ANTXRL: variants seen among roughly 807,000 people sequenced by gnomAD.
ANTXRL encodes the protein anthrax toxin receptor-like.
A neutral mutation model predicts 75.4 loss-of-function variants in ANTXRL; 63 were observed. The observed-to-expected ratio is 0.84, with a 90% CI of 0.68 to 1.03. The LOEUF (loss-of-function observed/expected upper bound fraction) is 1.03, where lower values mean the gene tolerates loss of function less well. ANTXRL is among the 50% of genes least tolerant of loss of function. The pLI is 0.00. For synonymous variants in ANTXRL, 335 were observed against 291.3 expected (o/e 1.15, Z -1.53); for missense variants, 797 against 789.4 (o/e 1.01, Z -0.12).
intron 7 of ANTXRL, 46 bp downstream of exon 7, chr10:46,297,520 C>G (rs1302162812): frequency 1.3e-6 from 2 of 1,525,524 alleles, no homozygotes; most frequent in Non-Finnish European, 1.8e-6. Flanking sequence ...GCCTAGTGGT[C>G]ACTTTCGAGC....
At position 46,298,074 on chromosome 10, in the gene ANTXRL, G is replaced by T. The variant is rs782619924; in HGVS notation, c.796+12G>T. 2 of 1,531,636 alleles carry T rather than the reference G, an allele frequency of 1.3e-6. No individual in the cohort carries two copies. The highest frequency in any genetic ancestry group is 2.4e-5 in the East Asian group (1 of 40,910). 94.9% of individuals were successfully genotyped at this position (1,531,636 alleles called of 1,614,324 possible). On this transcript the variant is annotated intron_variant, in intron 9 of 16. Transcript: ENST00000620264. ...TGAGTGTGTAGGAGGTGAGAGCTGC[G>T]GAGGCCCTGGGGTAGCCAAAGGGTG...
intron 12 of ANTXRL, among the ~76,000 whole-genome samples, chr10:46,307,992 C>T (rs781965924): frequency 2.6e-5 from 4 of 152,160 alleles, no homozygotes; most frequent in Non-Finnish European, 5.9e-5. Flanking sequence ...GAGCTCAGCT[C>T]CAAGAGGCCC....
At chr10:46,312,753 G>A (rs1483686850) in intron 15 of ANTXRL, among the ~76,000 whole-genome samples, 1 of 149,114 alleles carries the variant, frequency 6.7e-6, no homozygotes, top group Non-Finnish European at 1.5e-5. Context: ...CGTGGGTCCT[G>A]GGCTGCTTTC....
At chr10:46,302,920 T>G in intron 10 of ANTXRL, 100 bp downstream of exon 10, 1 of 925,478 alleles carries the variant, frequency 1.1e-6, no homozygotes, top group Non-Finnish European at 1.7e-6. Flanking sequence ...AACCATTCCC[T>G]GTGGACCCTG....
chr10:46,311,897 C>T (rs1177941190), intron 15 of ANTXRL, among the ~76,000 whole-genome samples: 2 of 151,828 alleles, frequency 1.3e-5, no homozygotes, highest in Non-Finnish European at 2.9e-5. Context: ...TGTCCCCACA[C>T]ATTGAACTCC....
intron 1 of ANTXRL, among the ~76,000 whole-genome samples, chr10:46,290,590 A>G (rs1459709091): frequency 1.3e-5 from 2 of 151,986 alleles, no homozygotes; most frequent in African/African-American, 2.4e-5. Context: ...AAAGCCCAAC[A>G]TTTGCTATTT....
chr10:46,306,809 A>T lies in ANTXRL; in HGVS notation c.902A>T (p.Lys301Met). Residue 301 changes from lysine (K) to methionine (M), a missense_variant, in exon 11 of 17, where the codon AAG (lysine) becomes ATG (methionine). This residue lies in a region of ANTXRL where 479 missense variants were observed against 422.0 expected (regional missense o/e 1.14). Coordinates refer to ENST00000620264, the MANE Select transcript of ANTXRL (RefSeq NM_001278688.3). ...IFNESTIIDE[K>M]PTSIDNNSMN... Reference sequence around the variant, plus strand: ...TCATGTCATTTTCTTTTAGATGAAAAGCCAACCAGTATCGACAATAATTCC... The same window carrying T: ...TCATGTCATTTTCTTTTAGATGAAATGCCAACCAGTATCGACAATAATTCC... 6.5e-7 allele frequency: 1 copy of T among 1,527,242 alleles called. No individual in the cohort carries two copies. Among genetic ancestry groups the T allele is most frequent in the Non-Finnish European group, 8.7e-7 (1 of 1,143,370 alleles). 94.6% of individuals were successfully genotyped at this position (1,527,242 alleles called of 1,614,324 possible).
chr10:46,291,498 ACATTG>A (rs1836981240), intron 1 of ANTXRL, among the ~76,000 whole-genome samples: 1 of 151,930 alleles, frequency 6.6e-6, no homozygotes, highest in Non-Finnish European at 1.5e-5. Flanking sequence ...GATACAGATT[ACATTG>A]TTATCTTAAC....
At chr10:46,307,525 G>T in intron 12 of ANTXRL, 45 bp downstream of exon 12, 2 of 1,484,438 alleles carry the variant, frequency 1.3e-6, no homozygotes, top group South Asian at 1.2e-5. Context: ...GGACTGTCCA[G>T]AGCCTCTGCA....
At chr10:46,308,078 G>A (rs1366454841) in intron 12 of ANTXRL, among the ~76,000 whole-genome samples, 12 of 152,146 alleles carry the variant, frequency 7.9e-5, no homozygotes, top group African/African-American at 1.9e-4. Context: ...GCCCAGGGCC[G>A]CATAGGCAGG....
rs564841517 is a variant in ANTXRL at position 46,329,527 on chromosome 10, A to G, written c.1411-72A>G. On this transcript the variant is annotated intron_variant, in intron 16 of 16. Transcript: ENST00000620264. ...GGTCCTGGCCCCATCCCTTTGAGCC[A>G]GGCAACCGCAGCCTTCTGAGCCCAG... 3.3e-6 allele frequency: 5 copies of G among 1,492,874 alleles called. No individual in the cohort carries two copies. The African/African-American group carries it at 4.1e-5, about 12-fold the overall frequency. The allele number at this position is 1,492,874 out of a possible 1,614,324, so 92.5% of individuals were successfully genotyped here.
At chr10:46,304,436 A>G (rs1837948282) in intron 10 of ANTXRL, among the ~76,000 whole-genome samples, 2 of 152,106 alleles carry the variant, frequency 1.3e-5, no homozygotes, top group Non-Finnish European at 2.9e-5. Context: ...CTCTTGCCTA[A>G]AAAGATCAGT....
intron 10 of ANTXRL, among the ~76,000 whole-genome samples, chr10:46,304,357 C>T (rs1292570701): frequency 6.6e-6 from 1 of 152,070 alleles, no homozygotes; most frequent in African/African-American, 2.4e-5. Context: ...TGTGCATAAT[C>T]AGGGAGGTAA....
intron 1 of ANTXRL, among the ~76,000 whole-genome samples, chr10:46,291,650 A>G (rs72790435): frequency 0.089 from 13,554 of 151,998 alleles, 842 homozygotes; most frequent in Non-Finnish European, 0.14. Flanking sequence ...ATTCTTAAGT[A>G]TTTTGTTCTG....
intron 16 of ANTXRL, among the ~76,000 whole-genome samples, chr10:46,322,187 A>G (rs1315826481): frequency 3.9e-5 from 6 of 152,248 alleles, no homozygotes; most frequent in Middle Eastern, 3.4e-3. Flanking sequence ...TACCCCGTTG[A>G]GGTTGGCAAC....
At chr10:46,305,949 T>G (rs1326811073) in intron 10 of ANTXRL, among the ~76,000 whole-genome samples, 2 of 152,168 alleles carry the variant, frequency 1.3e-5, no homozygotes, top group Non-Finnish European at 2.9e-5. Flanking sequence ...GCAAGTCCTG[T>G]TGCCTCCATG....
chr10:46,314,874 C>T (rs1370330660), intron 16 of ANTXRL, among the ~76,000 whole-genome samples: 1 of 152,152 alleles, frequency 6.6e-6, no homozygotes, highest in African/African-American at 2.4e-5. Context: ...AACCCCAGAT[C>T]TGTCCCTAAC....
intron 16 of ANTXRL, 61 bp downstream of exon 16, chr10:46,313,377 C>T (rs1838544477): frequency 3.2e-5 from 47 of 1,471,602 alleles, no homozygotes; most frequent in Non-Finnish European, 4.2e-5. Context: ...CCCCTGACCA[C>T]TGTCCTCTGG....
At chr10:46,296,712 G>A (rs1427717390) in intron 5 of ANTXRL, among the ~76,000 whole-genome samples, 5 of 152,148 alleles carry the variant, frequency 3.3e-5, no homozygotes, top group African/African-American at 7.2e-5. Flanking sequence ...AGGCAGGGCT[G>A]GAGAGGAAAG....
Sources: gnomAD v4.1 joint callset for allele counts (sites outside exome capture counted in the v4.1 genomes callset) on GRCh38, gnomAD v4.1.1 for gene constraint, gnomAD v4.1.1 regional missense constraint, MANE v1.5 for transcripts, NCBI Gene and HGNC (gene_info 2026-07-23, HGNC 2026-07-21) for gene names.